Variants in CSMD1 observed in about 807,000 individuals in gnomAD.
CSMD1 encodes CUB and sushi domain-containing protein 1.
Under a neutral mutation model 417.5 loss-of-function variants are expected in CSMD1, and 213 were observed. The observed-to-expected ratio is 0.51, with a 90% confidence interval of 0.46 to 0.57. CSMD1 has a LOEUF of 0.57. Ranked by LOEUF, CSMD1 falls within the 20% of genes least tolerant of loss-of-function variation. CSMD1 has a pLI of 0.00. For missense variants in CSMD1, 6,923 were observed against 4,529.7 expected, an observed-to-expected ratio of 1.53 and a Z score of -15.17; for synonymous variants, 2,862 against 1,736.8, an observed-to-expected ratio of 1.65 and a Z score of -16.11.
At chr8:4,346,320 C>G (rs1231507327) in intron 3 of CSMD1, among the ~76,000 whole-genome samples, 1 of 152,136 alleles carries the variant, frequency 6.6e-6, no homozygotes, top group Non-Finnish European at 1.5e-5. Flanking sequence ...GACCATAAAT[C>G]CAGTTTTACT....
At chr8:3,761,559 G>A (rs1256524236) in intron 5 of CSMD1, among the ~76,000 whole-genome samples, 7 of 133,150 alleles carry the variant, frequency 5.3e-5, no homozygotes, top group African/African-American at 1.7e-4. Flanking sequence ...AGGCTGGAGT[G>A]AAATGAGATG....
chr8:4,210,129 C>A (rs1014928481), intron 3 of CSMD1, among the ~76,000 whole-genome samples: 6 of 152,218 alleles, frequency 3.9e-5, no homozygotes, highest in Non-Finnish European at 8.8e-5. Context: ...CCTTCCTGGG[C>A]AAAGCATTTC....
intron 2 of CSMD1, among the ~76,000 whole-genome samples, chr8:4,582,980 C>T (rs1329411650): frequency 6.6e-6 from 1 of 152,324 alleles, no homozygotes; most frequent in East Asian, 1.9e-4. Flanking sequence ...GGGCCAGTGG[C>T]TGCGGACGGT....
At chr8:4,037,625 T>C (rs1012179946) in intron 3 of CSMD1, among the ~76,000 whole-genome samples, 8 of 152,196 alleles carry the variant, frequency 5.3e-5, no homozygotes, top group African/African-American at 1.9e-4. Flanking sequence ...GTCTCTTATA[T>C]TTATCAGGTG....
intron 23 of CSMD1, among the ~76,000 whole-genome samples, chr8:3,314,857 T>C (rs1460177992): frequency 6.6e-6 from 1 of 152,228 alleles, no homozygotes; most frequent in African/African-American, 2.4e-5. Flanking sequence ...GAGAACCGGC[T>C]CCAGACTTAA....
chr8:4,358,434 G>T (rs999808727), intron 3 of CSMD1, among the ~76,000 whole-genome samples: 2 of 152,204 alleles, frequency 1.3e-5, no homozygotes, highest in Non-Finnish European at 1.5e-5. Flanking sequence ...TCAAATTTCA[G>T]TGTCCACACA....
chr8:4,921,855 G>C (rs764516107), intron 1 of CSMD1, among the ~76,000 whole-genome samples: 7 of 152,296 alleles, frequency 4.6e-5, no homozygotes, highest in Non-Finnish European at 1.0e-4. Context: ...CTCAATCTGA[G>C]AGAAAACCCA....
intron 1 of CSMD1, among the ~76,000 whole-genome samples, chr8:4,981,020 G>A (rs1810859916): frequency 6.6e-6 from 1 of 152,122 alleles, no homozygotes; most frequent in African/African-American, 2.4e-5. Flanking sequence ...ACTTAGAGAA[G>A]GTTGACATAG....
rs1168246452 is a variant in CSMD1 at position 3,343,541 on chromosome 8, C to T, written c.3475-91G>A. 5.5e-6 allele frequency: 6 copies of T among 1,098,948 alleles called. No homozygotes were observed. The Admixed American group carries it at 1.1e-4, about 20-fold the overall frequency. The allele number at this position is 1,098,948 out of a possible 1,614,324, so 68.1% of individuals were successfully genotyped here. On this transcript the variant is annotated intron_variant, in intron 22 of 69. Coordinates refer to ENST00000635120, the MANE Select transcript of CSMD1 (RefSeq NM_033225.6). ...TAAACAATCCAAATCTTCAAAGATGCAGTTTTAAACAATACTTAAAAAGGC... is the reference window on the plus strand; with the variant it reads ...TAAACAATCCAAATCTTCAAAGATGTAGTTTTAAACAATACTTAAAAAGGC...
chr8:3,212,403 C>T (rs1015111904), intron 30 of CSMD1, among the ~76,000 whole-genome samples: 9 of 152,150 alleles, frequency 5.9e-5, no homozygotes, highest in African/African-American at 1.2e-4. Context: ...GGCTATAGTG[C>T]AGTGGAGCAA....
At chr8:4,529,467 C>T (rs2130445821) in intron 2 of CSMD1, among the ~76,000 whole-genome samples, 1 of 152,240 alleles carries the variant, frequency 6.6e-6, no homozygotes, top group South Asian at 2.1e-4. Context: ...ATATGCAACT[C>T]ATAAAATTTA....
chr8:4,100,662 A>G (rs975683688), intron 3 of CSMD1, among the ~76,000 whole-genome samples: 1 of 152,222 alleles, frequency 6.6e-6, no homozygotes, highest in Admixed American at 6.5e-5. Flanking sequence ...TGATGGAAAA[A>G]GGGTGCTGAA....
intron 26 of CSMD1, among the ~76,000 whole-genome samples, chr8:3,280,043 C>T (rs79942546): frequency 1.8e-4 from 28 of 152,228 alleles, no homozygotes; most frequent in African/African-American, 5.8e-4. Context: ...CAAAGCCGTC[C>T]GTGTTGATCT....
At chr8:4,929,924 A>G (rs4076510) in intron 1 of CSMD1, among the ~76,000 whole-genome samples, 58,412 of 151,998 alleles carry the variant, frequency 0.38, 11,596 homozygotes, top group East Asian at 0.61. Context: ...AGTATATTGC[A>G]AGAGCTAATT....
At chr8:3,934,168 G>T (rs1343320567) in intron 5 of CSMD1, among the ~76,000 whole-genome samples, 1 of 152,108 alleles carries the variant, frequency 6.6e-6, no homozygotes, top group Non-Finnish European at 1.5e-5. Flanking sequence ...AGAAATAACT[G>T]AATAGAATCT....
chr8:4,036,002 T>C (rs1475072404), intron 3 of CSMD1, among the ~76,000 whole-genome samples: 1 of 152,190 alleles, frequency 6.6e-6, no homozygotes, highest in Admixed American at 6.5e-5. Context: ...AATGCTGTTT[T>C]ATTACTGTAC....
chr8:3,486,274 T>A (rs1458671413), intron 11 of CSMD1, among the ~76,000 whole-genome samples: 3 of 49,616 alleles, frequency 6.0e-5, no homozygotes, highest in Non-Finnish European at 1.2e-4. Flanking sequence ...TTTAAAACTA[T>A]TTTTTATCTA....
intron 5 of CSMD1, among the ~76,000 whole-genome samples, chr8:3,961,601 A>C (rs11136688): frequency 6.6e-6 from 1 of 152,044 alleles, no homozygotes; most frequent in East Asian, 1.9e-4. Flanking sequence ...ATCATAATTT[A>C]CTCAGGCACC....
chr8:3,561,328 G>A (rs1277498358), intron 10 of CSMD1, among the ~76,000 whole-genome samples: 3 of 152,018 alleles, frequency 2.0e-5, no homozygotes, highest in Non-Finnish European at 2.9e-5. Context: ...AAAGACACCC[G>A]CACTCCTCTG....
Sources: allele counts gnomAD v4.1 joint callset (sites outside exome capture counted in the v4.1 genomes callset), GRCh38; gene constraint gnomAD v4.1.1; transcripts MANE v1.5; gene names NCBI Gene and HGNC (gene_info 2026-07-23, HGNC 2026-07-21).